The following HS2ST1 variants were observed in gnomAD, a reference collection of about 807,000 sequenced individuals.
HS2ST1 encodes 2-O-sulfotransferase.
A neutral mutation model predicts 42.9 loss-of-function variants in HS2ST1; 18 were observed. The observed-to-expected ratio is 0.42, with a 90% CI of 0.29 to 0.62. The LOEUF is 0.62. Among genes scored for constraint, HS2ST1 ranks in the 20% least tolerant of loss-of-function variants. The pLI is 0.21. For missense variants in HS2ST1, 334 were observed against 433.8 expected (o/e 0.77, Z 2.04); for synonymous variants, 146 against 152.9 (o/e 0.95, Z 0.33).
At chr1:86,979,758 C>T (rs1434959397) in intron 1 of HS2ST1, among the ~76,000 whole-genome samples, 2 of 152,200 alleles carry the variant, frequency 1.3e-5, no homozygotes, top group Non-Finnish European at 2.9e-5. Flanking sequence ...GTAATTCTAT[C>T]TTTCACTTTT....
intron 1 of HS2ST1, among the ~76,000 whole-genome samples, chr1:86,960,419 G>C (rs1467727788): frequency 6.6e-6 from 1 of 152,142 alleles, no homozygotes; most frequent in African/African-American, 2.4e-5. Context: ...CTCCATGAAA[G>C]AAAGACGTTG....
chr1:86,971,118 G>C (rs1170951439), intron 1 of HS2ST1, among the ~76,000 whole-genome samples: 1 of 152,090 alleles, frequency 6.6e-6, no homozygotes, highest in African/African-American at 2.4e-5. Flanking sequence ...TTGAAGGCCT[G>C]TTACATGTTT....
intron 1 of HS2ST1, among the ~76,000 whole-genome samples, chr1:86,937,177 G>T (rs932446929): frequency 2.0e-5 from 3 of 151,928 alleles, no homozygotes; most frequent in Non-Finnish European, 4.4e-5. Context: ...TTTGCAAACT[G>T]ATATTCCCGA....
intron 1 of HS2ST1, among the ~76,000 whole-genome samples, chr1:86,994,946 T>G (rs1174678094): frequency 6.6e-6 from 1 of 151,944 alleles, no homozygotes; most frequent in East Asian, 1.9e-4. Context: ...GACAAAACTC[T>G]TTTTGTGGCA....
Position 87,037,863 on chromosome 1 carries a change from A to T in HS2ST1, c.125-35071A>T, listed in dbSNP as rs1041667068. ...CATTCTTTTAACTGCTATGTAGCAT[A>T]TATCTATAATATATCTCTAACAGAT... On this transcript the variant is annotated intron_variant, in intron 1 of 6. Coordinates refer to ENST00000370550, the MANE Select transcript of HS2ST1 (RefSeq NM_012262.4). Among the ~76,000 whole-genome samples the T allele has an allele frequency of 1.1e-4, 17 of 152,114 alleles. 1 individual carries two copies. Among genetic ancestry groups the T allele is most frequent in the African/African-American group, 4.1e-4 (17 of 41,550 alleles).
rs530493574 is a variant in HS2ST1, at chr1:86,971,288, A to AAAAAC, written c.124+56153_124+56157dup. Among the ~76,000 whole-genome samples the AAAAAC allele has an allele frequency of 4.1e-3, 626 of 152,212 alleles. 3 individuals are homozygous for AAAAAC. Among genetic ancestry groups the AAAAAC allele is most frequent in the Middle Eastern group, 0.014 (4 of 292 alleles). ...CTCCTCTGATTCCTGTCATTATTTA[A>AAAAAC]AAAACAAAACAAAACAAAACAAAAC... is the stretch of plus-strand genomic sequence containing the variant. On this transcript the variant is annotated intron_variant, in intron 1 of 6. Coordinates refer to ENST00000370550, the MANE Select transcript of HS2ST1 (RefSeq NM_012262.4).
At chr1:87,071,988 T>A (rs1443104176) in intron 1 of HS2ST1, among the ~76,000 whole-genome samples, 4 of 152,010 alleles carry the variant, frequency 2.6e-5, no homozygotes, top group African/African-American at 9.7e-5. Context: ...GCATCCTTAT[T>A]CATATATATT....
intron 1 of HS2ST1, among the ~76,000 whole-genome samples, chr1:86,999,792 A>AT: frequency 6.6e-6 from 1 of 152,110 alleles, no homozygotes; most frequent in East Asian, 1.9e-4. Flanking sequence ...ATACACAGTG[A>AT]TTTTTCCTTT....
At chr1:87,071,046 C>T (rs1651390840) in intron 1 of HS2ST1, among the ~76,000 whole-genome samples, 1 of 152,148 alleles carries the variant, frequency 6.6e-6, no homozygotes, top group Admixed American at 6.6e-5. Context: ...TCAGTTCATA[C>T]CTTCCCCCAG....
chr1:87,084,737 C>T (rs548623891), intron 3 of HS2ST1, among the ~76,000 whole-genome samples: 12 of 152,168 alleles, frequency 7.9e-5, no homozygotes, highest in African/African-American at 1.4e-4. Flanking sequence ...TGATGTATTA[C>T]GAGGCTTTTT....
intron 1 of HS2ST1, among the ~76,000 whole-genome samples, chr1:86,989,731 C>T (rs192458991): frequency 1.3e-5 from 2 of 152,224 alleles, no homozygotes; most frequent in Admixed American, 6.5e-5. Context: ...GCCCCCTAGC[C>T]CCCAGCAGGC....
At chr1:86,972,450 C>T (rs1000968588) in intron 1 of HS2ST1, among the ~76,000 whole-genome samples, 2 of 152,118 alleles carry the variant, frequency 1.3e-5, no homozygotes, top group African/African-American at 4.8e-5. Context: ...CTCTAGGGCT[C>T]AAGCCATCCT....
At chr1:87,066,867 C>G (rs1651263908) in intron 1 of HS2ST1, among the ~76,000 whole-genome samples, 1 of 152,112 alleles carries the variant, frequency 6.6e-6, no homozygotes, top group Non-Finnish European at 1.5e-5. Context: ...TGATGGTTTT[C>G]AGCTTTATCC....
intron 3 of HS2ST1, among the ~76,000 whole-genome samples, chr1:87,089,722 A>G (rs1048435299): frequency 6.6e-6 from 1 of 151,978 alleles, no homozygotes; most frequent in Non-Finnish European, 1.5e-5. Context: ...GTTCATATCC[A>G]TTTTCAAAAT....
intron 1 of HS2ST1, among the ~76,000 whole-genome samples, chr1:87,067,402 C>T (rs531848123): frequency 7.2e-5 from 11 of 152,256 alleles, no homozygotes; most frequent in South Asian, 2.1e-4. Flanking sequence ...GTCCTTCACC[C>T]ACTTTTTGAT....
rs1341021011 is a variant in HS2ST1, at chr1:87,003,294, A to AG, written c.125-69640_125-69639insG. Among the ~76,000 whole-genome samples the AG allele has an allele frequency of 4.0e-5, 6 of 151,720 alleles. No homozygotes were observed. In the East Asian group the frequency reaches 9.7e-4, roughly 25 times the overall value. ...AGTTTAGGCTAAGATTCAGGAGAAAAAAATAGAATAATGTTTACACATTGT... is the reference window on the plus strand; with the variant it reads ...AGTTTAGGCTAAGATTCAGGAGAAAAGAAATAGAATAATGTTTACACATTGT... On this transcript the variant is annotated intron_variant, in intron 1 of 6. Coordinates refer to ENST00000370550, the MANE Select transcript of HS2ST1 (RefSeq NM_012262.4).
chr1:86,975,740 CT>C (rs1648380955), intron 1 of HS2ST1, among the ~76,000 whole-genome samples: 1 of 152,058 alleles, frequency 6.6e-6, no homozygotes, highest in African/African-American at 2.4e-5. Flanking sequence ...TTAAATGTAA[CT>C]GATGGCATTT....
At chr1:87,088,316 A>G (rs1409068584) in intron 3 of HS2ST1, among the ~76,000 whole-genome samples, 2 of 152,000 alleles carry the variant, frequency 1.3e-5, no homozygotes, top group Non-Finnish European at 2.9e-5. Context: ...CACCACCTAT[A>G]TCTTATCAGT....
chr1:86,936,650 A>G (rs745687508), intron 1 of HS2ST1, among the ~76,000 whole-genome samples: 1 of 152,210 alleles, frequency 6.6e-6, no homozygotes, highest in Non-Finnish European at 1.5e-5. Context: ...AGTTTAGGTA[A>G]GAAGCTCAAA....
Sources: gnomAD v4.1 joint callset for allele counts (sites outside exome capture counted in the v4.1 genomes callset) on GRCh38, gnomAD v4.1.1 for gene constraint, MANE v1.5 for transcripts, NCBI Gene and HGNC (gene_info 2026-07-23, HGNC 2026-07-21) for gene names.